Variants in GSG1L observed in about 807,000 individuals in gnomAD.
GSG1L encodes the protein germ cell-specific gene 1-like protein.
In GSG1L, 24 loss-of-function variants were observed where a neutral mutation model predicts 42.1. That is an observed-to-expected ratio of 0.57 (90% CI 0.41 to 0.80). The LOEUF is 0.80. Ranked by LOEUF, GSG1L falls within the 30% of genes least tolerant of loss-of-function variation. The pLI is 0.00. For missense variants in GSG1L, 445 were observed against 472.2 expected, an observed-to-expected ratio of 0.94 and a Z score of 0.53; for synonymous variants, 215 against 203.5, an observed-to-expected ratio of 1.06 and a Z score of -0.48.
chr16:27,829,436 G>C (rs1317939942), intron 4 of GSG1L, among the ~76,000 whole-genome samples: 2 of 152,150 alleles, frequency 1.3e-5, no homozygotes, highest in African/African-American at 4.8e-5. Flanking sequence ...GTTGGTGATG[G>C]GGAAGGAGAT....
chr16:27,880,928 G>A (rs34448318), intron 3 of GSG1L, among the ~76,000 whole-genome samples: 9,179 of 151,736 alleles, frequency 0.06, 351 homozygotes, highest in Middle Eastern at 0.096. Context: ...TGCCCAGACT[G>A]TCTGAAACAG....
rs2082716764 is a variant in GSG1L, at chr16:27,788,542, T to G, written c.*2828A>C. 6.6e-6 allele frequency: 1 copy of G among 152,298 alleles called. No homozygotes were observed. The allele number at this position is 152,298 out of a possible 1,614,324, so 9.4% of individuals were successfully genotyped here. ...CAACTGCCTCCTGACCTCCCTGCTC[T>G]CCACACCTGCCATTGGGACTATTTT... On this transcript the variant is annotated 3_prime_UTR_variant, in exon 7 of 7. Coordinates refer to ENST00000447459, the MANE Select transcript of GSG1L (RefSeq NM_001109763.2).
intron 2 of GSG1L, among the ~76,000 whole-genome samples, chr16:27,950,801 G>T (rs1213329843): frequency 3.9e-5 from 6 of 152,106 alleles, no homozygotes; most frequent in African/African-American, 1.4e-4. Flanking sequence ...CTTTTGCACA[G>T]GCTGTTCATT....
intron 1 of GSG1L, 141 bp downstream of exon 1, chr16:28,062,935 C>T: frequency 8.6e-7 from 1 of 1,158,456 alleles, no homozygotes; most frequent in Non-Finnish European, 1.1e-6. Flanking sequence ...TGCCCCGGAA[C>T]GTCGCCCCTA....
intron 3 of GSG1L, 23 bp from the exon 4 acceptor site, chr16:27,845,084 A>C (rs749669396): frequency 7.3e-6 from 11 of 1,516,930 alleles, no homozygotes; most frequent in Non-Finnish European, 1.0e-5. Flanking sequence ...GAGCAGAGCA[A>C]AGCGTCAGGA....
At chr16:27,905,542 C>T (rs1394312264) in intron 2 of GSG1L, among the ~76,000 whole-genome samples, 1 of 152,044 alleles carries the variant, frequency 6.6e-6, no homozygotes. Context: ...CTCTTGAACT[C>T]CTGGCCTCAA....
intron 3 of GSG1L, among the ~76,000 whole-genome samples, chr16:27,846,143 A>G (rs931962169): frequency 1.3e-5 from 2 of 152,274 alleles, no homozygotes; most frequent in Middle Eastern, 3.4e-3. Flanking sequence ...ACATGGGTGC[A>G]CTTCCTAACT....
intron 3 of GSG1L, among the ~76,000 whole-genome samples, chr16:27,852,642 G>A (rs552803306): frequency 6.6e-6 from 1 of 152,304 alleles, no homozygotes; most frequent in African/African-American, 2.4e-5. Flanking sequence ...CACGTGAGAG[G>A]TGAGAGATGC....
chr16:27,892,618 C>G (rs1160364024), intron 2 of GSG1L, among the ~76,000 whole-genome samples: 1 of 151,752 alleles, frequency 6.6e-6, no homozygotes. Context: ...ACAGAAACCC[C>G]GTCTCTACTA....
At chr16:27,807,784 C>T (rs2082984266) in intron 5 of GSG1L, among the ~76,000 whole-genome samples, 1 of 152,280 alleles carries the variant, frequency 6.6e-6, no homozygotes, top group Non-Finnish European at 1.5e-5. Flanking sequence ...ATGTGACCAA[C>T]CCAGTGTCAT....
At chr16:28,012,228 C>A (rs2085728716) in intron 1 of GSG1L, among the ~76,000 whole-genome samples, 1 of 152,270 alleles carries the variant, frequency 6.6e-6, no homozygotes, top group Non-Finnish European at 1.5e-5. Flanking sequence ...TCAGTCACGC[C>A]CCCCTCTGCC....
chr16:28,043,852 T>C (rs1051515453), intron 1 of GSG1L, among the ~76,000 whole-genome samples: 2 of 151,714 alleles, frequency 1.3e-5, no homozygotes, highest in Non-Finnish European at 2.9e-5. Context: ...TGAGACCCCA[T>C]CTCTGTAAAA....
At chr16:28,002,942 A>G (rs369273159) in intron 1 of GSG1L, among the ~76,000 whole-genome samples, 251 of 152,196 alleles carry the variant, frequency 1.6e-3, no homozygotes, top group African/African-American at 3.8e-3. Context: ...TCTCAGAAAA[A>G]AAAGAAAGAA....
intron 1 of GSG1L, among the ~76,000 whole-genome samples, chr16:28,014,936 C>G (rs573309182): frequency 4.4e-4 from 67 of 152,328 alleles, no homozygotes; most frequent in Non-Finnish European, 8.7e-4. Flanking sequence ...CAGTACTAAC[C>G]TGGCCCCTGC....
At chr16:27,831,626 C>G (rs1404574582) in intron 4 of GSG1L, among the ~76,000 whole-genome samples, 1 of 152,032 alleles carries the variant, frequency 6.6e-6, no homozygotes, top group Non-Finnish European at 1.5e-5. Context: ...GGGAACTTCC[C>G]TGGGGAGAGA....
intron 4 of GSG1L, among the ~76,000 whole-genome samples, chr16:27,837,290 CT>C (rs1275393543): frequency 1.5e-4 from 23 of 152,196 alleles, no homozygotes; most frequent in Non-Finnish European, 2.9e-5. Context: ...GAAACCACCC[CT>C]ATGATCAAAT....
At position 28,059,781 on chromosome 16, in the gene GSG1L, TC is replaced by T. The variant is rs2086320400; in HGVS notation, c.349+3294del. On this transcript the variant is annotated intron_variant, in intron 1 of 6. Transcript: ENST00000447459. This position sits in a 1 kb window ranked among gnomAD's most constrained non-coding sequence, Gnocchi z 4.4. Reference sequence around the variant, plus strand: ...GGTGACTCTGTGTCGAGGCCACGCTTCCCTTTCTGTTTGTGGAAGGACGCGG... The same window carrying T: ...GGTGACTCTGTGTCGAGGCCACGCTTCCTTTCTGTTTGTGGAAGGACGCGG... Among the ~76,000 whole-genome samples the T allele has an allele frequency of 6.6e-6, 1 of 152,158 alleles. No homozygotes were observed. Among genetic ancestry groups the T allele is most frequent in the Non-Finnish European group, 1.5e-5 (1 of 68,036 alleles).
chr16:28,054,958 T>C (rs2086262739), intron 1 of GSG1L, among the ~76,000 whole-genome samples: 1 of 152,134 alleles, frequency 6.6e-6, no homozygotes, highest in Non-Finnish European at 1.5e-5. Context: ...CTTCTGGAAC[T>C]ACACAGCGGT....
chr16:27,878,561 C>A (rs1400468681), intron 3 of GSG1L, among the ~76,000 whole-genome samples: 1 of 152,146 alleles, frequency 6.6e-6, no homozygotes, highest in Non-Finnish European at 1.5e-5. Context: ...TAAACCATAT[C>A]AAGCTGGGAC....
Sources: allele counts gnomAD v4.1 joint callset (sites outside exome capture counted in the v4.1 genomes callset), GRCh38; gene constraint gnomAD v4.1.1; non-coding constraint Gnocchi (gnomAD v3.1); transcripts MANE v1.5; gene names NCBI Gene and HGNC (gene_info 2026-07-23, HGNC 2026-07-21).